NCOA7: variants seen among roughly 807,000 people sequenced by gnomAD.
NCOA7 encodes nuclear receptor coactivator 7, also known as 140 kDa estrogen receptor-associated protein.
NCOA7 carries 45 observed loss-of-function variants against 104.3 expected under a neutral mutation model. That is an observed-to-expected ratio of 0.43 (90% CI 0.34 to 0.55). The LOEUF (loss-of-function observed/expected upper bound fraction) is 0.55, where lower values mean the gene tolerates loss of function less well. NCOA7 is among the 20% of genes least tolerant of loss of function. The pLI, the probability that NCOA7 is intolerant of heterozygous loss-of-function variation, is 0.02. For missense variants in NCOA7, 1,041 were observed against 1,119.7 expected, an observed-to-expected ratio of 0.93 and a Z score of 1.00; for synonymous variants, 398 against 402.3, an observed-to-expected ratio of 0.99 and a Z score of 0.13.
At chr6:125,838,918 G>T (rs1286056377) in intron 2 of NCOA7, among the ~76,000 whole-genome samples, 1 of 152,066 alleles carries the variant, frequency 6.6e-6, no homozygotes. Flanking sequence ...AGGTATGGGG[G>T]ACTCAGGGGT....
At chr6:125,819,839 C>A (rs557719471) in intron 2 of NCOA7, among the ~76,000 whole-genome samples, 1 of 152,232 alleles carries the variant, frequency 6.6e-6, no homozygotes, top group East Asian at 1.9e-4. Context: ...TTGTGATTTC[C>A]GAGTAGGTCC....
intron 10 of NCOA7, among the ~76,000 whole-genome samples, chr6:125,910,124 A>G (rs919562999): frequency 5.9e-5 from 9 of 152,184 alleles, no homozygotes; most frequent in African/African-American, 2.2e-4. Flanking sequence ...GTGATTCATC[A>G]TGGTCATAGA....
intron 15 of NCOA7, 94 bp from the exon 16 acceptor site, chr6:125,928,539 CAGT>C (rs1393616747): frequency 7.2e-7 from 1 of 1,380,398 alleles, no homozygotes; most frequent in African/African-American, 1.5e-5. Context: ...TTTTGCCTGT[CAGT>C]AGTATAAAGG....
At chr6:125,809,171 G>C (rs139829944) in intron 1 of NCOA7, among the ~76,000 whole-genome samples, 446 of 152,032 alleles carry the variant, frequency 2.9e-3, no homozygotes, top group African/African-American at 0.01. Context: ...GGTATTATCT[G>C]ATTGCTCTCC....
chr6:125,866,687 T>C (rs1782467365), intron 3 of NCOA7, among the ~76,000 whole-genome samples: 1 of 152,144 alleles, frequency 6.6e-6, no homozygotes, highest in South Asian at 2.1e-4. Context: ...CCTCCAACAT[T>C]AAGTTACATG....
At chr6:125,804,932 T>C (rs926821553) in intron 1 of NCOA7, among the ~76,000 whole-genome samples, 1 of 152,090 alleles carries the variant, frequency 6.6e-6, no homozygotes, top group Non-Finnish European at 1.5e-5. Context: ...CGGTTAGCTC[T>C]TTAAAAACCT....
intron 3 of NCOA7, among the ~76,000 whole-genome samples, chr6:125,873,379 A>G (rs1381007942): frequency 6.6e-6 from 1 of 152,090 alleles, no homozygotes; most frequent in Admixed American, 6.5e-5. Flanking sequence ...AAAATTATTT[A>G]TGTGTTTTTT....
At chr6:125,905,348 C>T (rs947227637) in intron 10 of NCOA7, among the ~76,000 whole-genome samples, 18 of 151,540 alleles carry the variant, frequency 1.2e-4, no homozygotes, top group Admixed American at 3.9e-4. Flanking sequence ...CCTATGCCTC[C>T]GGGGTTCAAG....
intron 2 of NCOA7, among the ~76,000 whole-genome samples, chr6:125,839,050 G>A (rs1377905091): frequency 6.6e-6 from 1 of 151,914 alleles, no homozygotes; most frequent in Non-Finnish European, 1.5e-5. Context: ...GACATTTAAG[G>A]GTTTTTCTTG....
chr6:125,909,800 A>C (rs1201731491), intron 10 of NCOA7, among the ~76,000 whole-genome samples: 2 of 152,010 alleles, frequency 1.3e-5, no homozygotes, highest in Non-Finnish European at 2.9e-5. Context: ...ACAGAGTGAG[A>C]CCGTGTCTCA....
rs151275596 is a variant in NCOA7 at position 125,823,803 on chromosome 6, T to C, written c.50+8399T>C. ...CCGTTAGGGTCTCATGAAATCAGTT[T>C]AGTGGATAAGAAACAGCATTTTTTT... is the stretch of plus-strand genomic sequence containing the variant. On this transcript the variant is annotated intron_variant, in intron 2 of 15. Coordinates refer to ENST00000392477, the MANE Select transcript of NCOA7 (RefSeq NM_181782.5). 2.9e-4 allele frequency among the ~76,000 whole-genome samples: 44 copies of C among 152,312 alleles called. 1 individual carries two copies. In the East Asian group the frequency reaches 7.1e-3, roughly 25 times the overall value.
chr6:125,858,477 C>CA (rs1404037490), intron 3 of NCOA7, among the ~76,000 whole-genome samples: 1 of 151,656 alleles, frequency 6.6e-6, no homozygotes, highest in African/African-American at 2.4e-5. Context: ...CCTGCCTCTA[C>CA]AAAAAATACA....
rs750309347 is a variant in NCOA7 at position 125,865,288 on chromosome 6, C to T, written c.272-9601C>T. Among the ~76,000 whole-genome samples the T allele has an allele frequency of 8.7e-5, 12 of 137,830 alleles. 2 individuals are homozygous for T. Among genetic ancestry groups the T allele is most frequent in the Non-Finnish European group, 1.5e-4 (10 of 64,932 alleles). 90.4% of individuals were successfully genotyped at this position (137,830 alleles called of 152,430 possible). A position where few individuals can be genotyped will look rare whatever the true frequency, so the allele number is the denominator to read the frequency against. On this transcript the variant is annotated intron_variant, in intron 3 of 15. Transcript: ENST00000392477. ...TGCAGTAGTAGATTCTAGAGCAAAA[C>T]GTTTTATAAGATTGGTAACTTCCCT...
rs114075790 is a variant in NCOA7, at chr6:125,895,189, T to C, written c.2096+4379T>C. On this transcript the variant is annotated intron_variant, in intron 10 of 15. Coordinates refer to ENST00000392477, the MANE Select transcript of NCOA7 (RefSeq NM_181782.5). ...TCTCTGAAATGTTTTATAATAATTC[T>C]ATATTATCCAGCTTTTAAAATAAAT... Among the ~76,000 whole-genome samples, 439 of 152,338 alleles carry C rather than the reference T, an allele frequency of 2.9e-3. 2 individuals are homozygous for C. The highest frequency in any genetic ancestry group is 9.8e-3 in the African/African-American group (409 of 41,572).
intron 2 of NCOA7, among the ~76,000 whole-genome samples, chr6:125,825,268 A>C (rs1173648762): frequency 1.3e-5 from 2 of 152,090 alleles, no homozygotes; most frequent in Non-Finnish European, 2.9e-5. Context: ...GGGTATTGAA[A>C]GTTACAGTGA....
At chr6:125,885,628 T>C (rs1185541943) in intron 8 of NCOA7, among the ~76,000 whole-genome samples, 2 of 152,218 alleles carry the variant, frequency 1.3e-5, no homozygotes, top group Admixed American at 6.5e-5. Flanking sequence ...ACGTTCTTAA[T>C]GAAATTATGA....
At chr6:125,826,183 C>G (rs1221978740) in intron 2 of NCOA7, among the ~76,000 whole-genome samples, 1 of 151,880 alleles carries the variant, frequency 6.6e-6, no homozygotes, top group Non-Finnish European at 1.5e-5. Flanking sequence ...AAAAATTAGC[C>G]AGGCGTGGCA....
intron 10 of NCOA7, among the ~76,000 whole-genome samples, chr6:125,900,947 G>A (rs1785446992): frequency 6.6e-6 from 1 of 152,172 alleles, no homozygotes; most frequent in African/African-American, 2.4e-5. Context: ...CATTAGGACT[G>A]GATTTTTAAA....
At chr6:125,925,888 A>G (rs1787980405) in intron 13 of NCOA7, among the ~76,000 whole-genome samples, 2 of 152,184 alleles carry the variant, frequency 1.3e-5, no homozygotes, top group Non-Finnish European at 2.9e-5. Context: ...CAATTTTTTT[A>G]AATACATTAA....
Sources: gnomAD v4.1 joint callset for allele counts (sites outside exome capture counted in the v4.1 genomes callset) on GRCh38, gnomAD v4.1.1 for gene constraint, MANE v1.5 for transcripts, NCBI Gene and HGNC (gene_info 2026-07-23, HGNC 2026-07-21) for gene names.